RAB19: variants seen among roughly 807,000 people sequenced by gnomAD.
RAB19 encodes RAB19, member RAS oncogene family.
RAB19 carries 21 observed loss-of-function variants against 17.3 expected under a neutral mutation model. The ratio of observed to expected loss-of-function variants is 1.21; its 90% CI spans 0.86 to 1.74. RAB19 has a LOEUF of 1.74. Ranked by LOEUF, RAB19 falls within the 40% of genes most tolerant of loss-of-function variation. The probability of loss-of-function intolerance (pLI) is 0.00; values close to 1 mark genes in which losing one functional copy is unlikely to be tolerated. For synonymous variants in RAB19, 126 were observed against 110.4 expected (o/e 1.14, Z -0.88); for missense variants, 277 against 286.8 (o/e 0.97, Z 0.25).
rs1053828807 is a variant in RAB19, at chr7:140,404,144, G to T, written c.-97G>T. 3 of 152,544 alleles carry T rather than the reference G, an allele frequency of 2.0e-5. No individual in the cohort carries two copies. Among genetic ancestry groups the T allele is most frequent in the Non-Finnish European group, 4.4e-5 (3 of 68,370 alleles). 9.4% of individuals were successfully genotyped at this position (152,544 alleles called of 1,614,324 possible). A position where few individuals can be genotyped will look rare whatever the true frequency, so the allele number is the denominator to read the frequency against. ...AGGCAGGAGGAAGAAGGGGGCACTG[G>T]GGGGCTGAAAAGCAAACCCAGAAGA... On this transcript the variant is annotated 5_prime_UTR_variant, in exon 1 of 4. Transcript: ENST00000537763.
chr7:140,413,973 G>C (rs1298375595), intron 3 of RAB19, among the ~76,000 whole-genome samples: 1 of 152,128 alleles, frequency 6.6e-6, no homozygotes, highest in African/African-American at 2.4e-5. Context: ...TGCATCTCGA[G>C]GACACAGTGG....
At chr7:140,404,751 T>A (rs1400779685) in intron 1 of RAB19, among the ~76,000 whole-genome samples, 1 of 152,210 alleles carries the variant, frequency 6.6e-6, no homozygotes, top group African/African-American at 2.4e-5. Context: ...AGGTTTCAGT[T>A]ACTTTTAGAG....
At chr7:140,425,810 C>A in intron 3 of RAB19, 72 bp from the exon 4 acceptor site, 6 of 1,486,014 alleles carry the variant, frequency 4.0e-6, no homozygotes, top group Non-Finnish European at 5.5e-6. Flanking sequence ...TAAAATGTTA[C>A]TTGTAAAGTT....
chr7:140,409,312 C>T lies in RAB19; in HGVS notation c.201+1465C>T, dbSNP rs190382750. 4.0e-5 allele frequency among the ~76,000 whole-genome samples: 6 copies of T among 151,674 alleles called. No homozygotes were observed. The East Asian group carries it at 5.9e-4, about 15-fold the overall frequency. ...CTGGGAGGCAGAGGTTACAGTGAGC[C>T]GAGATCATATCACTGCACTCCAGCC... On this transcript the variant is annotated intron_variant, in intron 2 of 3. Transcript: ENST00000537763.
In RAB19 at chr7:140,424,682, T is replaced by TAC. The variant is rs1554442825; in HGVS notation, c.386-1196_386-1195dup. On this transcript the variant is annotated intron_variant, in intron 3 of 3. Transcript: ENST00000537763. Reference sequence around the variant, plus strand: ...GTGTGTGTATATATATATATATATATACACATATCTATATATACATATATA... The same window carrying TAC: ...GTGTGTGTATATATATATATATATATACACACATATCTATATATACATATATA... 1.1e-3 allele frequency among the ~76,000 whole-genome samples: 97 copies of TAC among 91,996 alleles called. 1 individual carries two copies. Among genetic ancestry groups the TAC allele is most frequent in the African/African-American group, 4.4e-3 (93 of 21,186 alleles). The allele number at this position is 91,996 out of a possible 152,430, so 60.4% of individuals were successfully genotyped here.
Position 140,426,149 on chromosome 7 carries a change from A to G in RAB19, c.653A>G (p.Ter218=), listed in dbSNP as rs1244385950. The part of the protein sequence containing the change: ...GPSEKTHCTC[*] ...AGTGAAAAGACCCACTGCACTTGCT[A>G]AGATGTTTGCAAAGCCAGTTGCACC... Residue 218 remains the stop codon, a stop_retained_variant, in exon 4 of 4, where the codon TAA becomes TGA. Transcript: ENST00000537763. The G allele has an allele frequency of 6.2e-7, 1 of 1,611,658 alleles. No individual in the cohort carries two copies. The highest frequency in any genetic ancestry group is 8.5e-7 in the Non-Finnish European group (1 of 1,178,726).
intron 2 of RAB19, chr7:140,411,109 C>T (rs1307189889): frequency 1.5e-6 from 2 of 1,367,126 alleles, no homozygotes; most frequent in African/African-American, 3.0e-5. Context: ...TAAAATAGGC[C>T]CACCTCTCGG....
In RAB19 at chr7:140,412,041, G is replaced by A. The variant is rs1228529201; in HGVS notation, c.369G>A (p.Val123=). ...HEIEKYGAAN[V]VIMLIGNKCD... is the part of the protein sequence containing the mutation. ...TAGAGAAATATGGAGCTGCAAATGT[G>A]GTCATTATGCTGATTGGTATGGCAT... The change falls in exon 3 of 4, where the codon GTG becomes GTA. Residue 123 remains valine, a synonymous_variant. Transcript: ENST00000537763. The A allele has an allele frequency of 6.2e-7, 1 of 1,612,222 alleles. No individual in the cohort carries two copies. The highest frequency in any genetic ancestry group is 8.5e-7 in the Non-Finnish European group (1 of 1,180,008).
intron 2 of RAB19, among the ~76,000 whole-genome samples, chr7:140,410,396 G>A (rs1799336661): frequency 7.8e-6 from 1 of 128,058 alleles, no homozygotes; most frequent in Non-Finnish European, 1.5e-5. Flanking sequence ...GCGCAATCTC[G>A]GCTCACTGTA....
intron 3 of RAB19, among the ~76,000 whole-genome samples, chr7:140,414,744 A>G (rs1799424917): frequency 6.6e-6 from 1 of 152,240 alleles, no homozygotes; most frequent in African/African-American, 2.4e-5. Context: ...ATTGCCTCAT[A>G]CACGTGCTTC....
At chr7:140,409,361 C>T (rs1799307345) in intron 2 of RAB19, among the ~76,000 whole-genome samples, 1 of 151,238 alleles carries the variant, frequency 6.6e-6, no homozygotes, top group African/African-American at 2.4e-5. Flanking sequence ...GAGACTCTGT[C>T]TCAAAAAAAG....
intron 1 of RAB19, among the ~76,000 whole-genome samples, chr7:140,407,390 T>G (rs1006642591): frequency 6.6e-6 from 1 of 152,184 alleles, no homozygotes; most frequent in Non-Finnish European, 1.5e-5. Context: ...GACCGTCCAC[T>G]GGACCCACCA....
intron 3 of RAB19, among the ~76,000 whole-genome samples, chr7:140,417,071 C>CAAA (rs11422658): frequency 1.5e-4 from 20 of 136,216 alleles, no homozygotes; most frequent in African/African-American, 5.4e-4. Flanking sequence ...ACTAAAAATA[C>CAAA]AAAAAAAAAA....
At chr7:140,422,139 C>T (rs1027401212) in intron 3 of RAB19, among the ~76,000 whole-genome samples, 19 of 152,174 alleles carry the variant, frequency 1.2e-4, no homozygotes, top group Non-Finnish European at 2.1e-4. Context: ...GTAATCCCAA[C>T]ACTTTGGGAG....
chr7:140,424,491 G>A (rs1204415232), intron 3 of RAB19, among the ~76,000 whole-genome samples: 1 of 151,628 alleles, frequency 6.6e-6, no homozygotes, highest in Non-Finnish European at 1.5e-5. Context: ...TCTGTGGATA[G>A]CACCAATGTC....
At chr7:140,410,606 G>T (rs931731755) in intron 2 of RAB19, among the ~76,000 whole-genome samples, 1 of 151,864 alleles carries the variant, frequency 6.6e-6, no homozygotes, top group Non-Finnish European at 1.5e-5. Context: ...GATTACAGGC[G>T]TGAGCCACCG....
Position 140,412,035 on chromosome 7 carries a change from A to T in RAB19, c.363A>T (p.Ala121=), listed in dbSNP as rs1007851166. ...WIHEIEKYGA[A]NVVIMLIGNK... ...ATGAGATAGAGAAATATGGAGCTGCAAATGTGGTCATTATGCTGATTGGTA... is the reference window on the plus strand; with the variant it reads ...ATGAGATAGAGAAATATGGAGCTGCTAATGTGGTCATTATGCTGATTGGTA... The change falls in exon 3 of 4, where the codon GCA becomes GCT. Residue 121 remains alanine, a synonymous_variant. Transcript: ENST00000537763. 1.2e-6 allele frequency: 2 copies of T among 1,612,640 alleles called. No homozygotes were observed. Among genetic ancestry groups the T allele is most frequent in the Non-Finnish European group, 1.7e-6 (2 of 1,180,032 alleles).
Position 140,426,797 on chromosome 7 carries a change from C to T in RAB19, c.*647C>T, listed in dbSNP as rs1299325521. On this transcript the variant is annotated 3_prime_UTR_variant, in exon 4 of 4. Transcript: ENST00000537763. ...TATTCTAGCAGGGCTGACTTGGCCA[C>T]CCTCTTGGGATAGGGGAAGACACCT... Among the ~76,000 whole-genome samples the T allele has an allele frequency of 2.0e-5, 3 of 151,814 alleles. No homozygotes were observed. The highest frequency in any genetic ancestry group is 4.4e-5 in the Non-Finnish European group (3 of 67,992).
At chr7:140,411,496 G>A (rs1423639085) in intron 2 of RAB19, among the ~76,000 whole-genome samples, 1 of 151,488 alleles carries the variant, frequency 6.6e-6, no homozygotes, top group African/African-American at 2.4e-5. Context: ...GAATTGTCTT[G>A]GGCCACACAA....
Sources: allele counts gnomAD v4.1 joint callset (sites outside exome capture counted in the v4.1 genomes callset), GRCh38; gene constraint gnomAD v4.1.1; transcripts MANE v1.5; gene names NCBI Gene and HGNC (gene_info 2026-07-23, HGNC 2026-07-21).